Variants in SENP5 observed in about 807,000 individuals in gnomAD.
SENP5 encodes the protein SUMO specific peptidase 5.
In SENP5, 21 loss-of-function variants were observed where a neutral mutation model predicts 74.2. That is an observed-to-expected ratio of 0.28 (90% confidence interval 0.20 to 0.41). The LOEUF (loss-of-function observed/expected upper bound fraction) is 0.41. Among genes scored for constraint, SENP5 ranks in the 10% least tolerant of loss-of-function variants. The pLI, the probability that SENP5 is intolerant of heterozygous loss-of-function variation, is 1.00. For synonymous variants in SENP5, 311 were observed against 312.7 expected (o/e 0.99, Z 0.06); for missense variants, 717 against 889.1 (o/e 0.81, Z 2.46).
At chr3:196,901,480 AAG>A (rs1308985818) in intron 5 of SENP5, among the ~76,000 whole-genome samples, 2 of 152,204 alleles carry the variant, frequency 1.3e-5, no homozygotes, top group African/African-American at 4.8e-5. Flanking sequence ...AAATTCTCTT[AAG>A]AGTTTTGTTA....
chr3:196,930,991 CACTT>C lies in SENP5; in HGVS notation c.*70_*73del. ...ATGGTTTGTTACTTGAATCTCCAAA[CACTT>C]AGTTGAATTTTTACAGATATTTCAG... is the stretch of plus-strand genomic sequence containing the variant. On this transcript the variant is annotated 3_prime_UTR_variant, in exon 10 of 10. Coordinates refer to ENST00000323460, the MANE Select transcript of SENP5 (RefSeq NM_152699.5). 1.0e-6 allele frequency: 1 copy of C among 957,986 alleles called. No individual in the cohort carries two copies. The allele number at this position is 957,986 out of a possible 1,614,324, so 59.3% of individuals were successfully genotyped here. A position where few individuals can be genotyped will look rare whatever the true frequency, so the allele number is the denominator to read the frequency against.
At position 196,910,866 on chromosome 3, in the gene SENP5, A is replaced by T. The variant is rs551966801; in HGVS notation, c.1884+7256A>T. 8.5e-5 allele frequency among the ~76,000 whole-genome samples: 13 copies of T among 152,350 alleles called. 1 individual carries two copies. The South Asian group carries it at 2.7e-3, about 32-fold the overall frequency. ...GCCAAAACAACGTGGTATTGGTACC[A>T]AAACAGGCATATAGACCAATGGAAC... On this transcript the variant is annotated intron_variant, in intron 6 of 9. Coordinates refer to ENST00000323460, the MANE Select transcript of SENP5 (RefSeq NM_152699.5).
intron 6 of SENP5, chr3:196,914,586 A>AATATATATATATATATAT (rs55692471): frequency 3.6e-4 from 12 of 33,496 alleles, no homozygotes; most frequent in African/African-American, 8.9e-4. Flanking sequence ...AAAAAAAAAA[A>AATATATATATATATATAT]ATATATATAT....
At chr3:196,915,765 A>G (rs1247860155) in intron 6 of SENP5, among the ~76,000 whole-genome samples, 1 of 152,180 alleles carries the variant, frequency 6.6e-6, no homozygotes, top group Non-Finnish European at 1.5e-5. Context: ...CTAATAATCT[A>G]GGAAATTCCT....
intron 1 of SENP5, among the ~76,000 whole-genome samples, chr3:196,869,740 C>T (rs1426962913): frequency 5.2e-5 from 4 of 76,588 alleles, no homozygotes; most frequent in Non-Finnish European, 6.9e-5. Context: ...GCCTGGGCAA[C>T]AAGAGCAAAA....
chr3:196,903,246 T>A (rs1310529546), intron 5 of SENP5, among the ~76,000 whole-genome samples: 1 of 152,136 alleles, frequency 6.6e-6, no homozygotes, highest in Admixed American at 6.6e-5. Flanking sequence ...TTCAAGAGAT[T>A]CTCCTACCTC....
At chr3:196,898,202 AAG>A (rs2108833485) in intron 2 of SENP5, among the ~76,000 whole-genome samples, 1 of 138,180 alleles carries the variant, frequency 7.2e-6, no homozygotes, top group Non-Finnish European at 1.6e-5. Flanking sequence ...AAAGAAAAGA[AAG>A]AACGTCCTGG....
intron 1 of SENP5, among the ~76,000 whole-genome samples, 151 bp from the exon 2 acceptor site, chr3:196,885,000 C>T (rs1230641351): frequency 6.6e-6 from 1 of 152,118 alleles, no homozygotes; most frequent in Non-Finnish European, 1.5e-5. Flanking sequence ...GTGATGAAAA[C>T]CTTGGTCAGA....
In SENP5 at chr3:196,886,300, T is replaced by G. The variant is rs764627927; in HGVS notation, c.1119T>G (p.His373Gln). 2 of 1,614,156 alleles carry G rather than the reference T, an allele frequency of 1.2e-6. No homozygotes were observed. Among genetic ancestry groups the G allele is most frequent in the Middle Eastern group, 1.6e-4 (1 of 6,062 alleles). Residue 373 changes from histidine to glutamine, a missense_variant, in exon 2 of 10, where the codon CAT becomes CAG. By Grantham distance (24) the His-to-Gln change is conservative. This residue lies in a region of SENP5 where 567 missense variants were observed against 577.4 expected (regional missense o/e 0.98). Transcript: ENST00000323460. Reference protein sequence around the residue: ...SPKWECTELIHDIPLPEHRSN... With the variant: ...SPKWECTELIQDIPLPEHRSN... ...AGTGGGAGTGTACAGAGCTGATTCA[T>G]GACATCCCCTTACCAGAACATCGTT...
chr3:196,900,747 G>T (rs1220147270), intron 5 of SENP5, among the ~76,000 whole-genome samples: 1 of 151,890 alleles, frequency 6.6e-6, no homozygotes, highest in Non-Finnish European at 1.5e-5. Context: ...CACCATGCCT[G>T]GCTAATTTTT....
rs139837482 is a variant in SENP5 at position 196,904,790 on chromosome 3, A to G, written c.1884+1180A>G. Reference sequence around the variant, plus strand: ...GGTGACAGAGCGAGACTCCATGTCAAAAGAAAATTAAATAAAAAATAAAAA... The same window carrying G: ...GGTGACAGAGCGAGACTCCATGTCAGAAGAAAATTAAATAAAAAATAAAAA... On this transcript the variant is annotated intron_variant, in intron 6 of 9. Coordinates refer to ENST00000323460, the MANE Select transcript of SENP5 (RefSeq NM_152699.5). Among the ~76,000 whole-genome samples the G allele has an allele frequency of 6.8e-3, 1,033 of 152,302 alleles. 6 individuals are homozygous for G. Among genetic ancestry groups the G allele is most frequent in the Non-Finnish European group, 0.011 (734 of 68,026 alleles).
In SENP5 at chr3:196,931,768, T is replaced by G. The variant is rs1489733499; in HGVS notation, c.*845T>G. ...GTCAAACAAATGAGAATGCAGCTGT[T>G]CTCAGAGTAATTTTTAAGTTGTCAT... On this transcript the variant is annotated 3_prime_UTR_variant, in exon 10 of 10. Coordinates refer to ENST00000323460, the MANE Select transcript of SENP5 (RefSeq NM_152699.5). The G allele has an allele frequency of 9.4e-6, 3 of 319,708 alleles. No homozygotes were observed. Among genetic ancestry groups the G allele is most frequent in the African/African-American group, 4.5e-5 (2 of 44,482 alleles). 19.8% of individuals were successfully genotyped at this position (319,708 alleles called of 1,614,324 possible).
chr3:196,919,013 C>T (rs1005122528), intron 6 of SENP5, among the ~76,000 whole-genome samples: 1 of 151,974 alleles, frequency 6.6e-6, no homozygotes, highest in Non-Finnish European at 1.5e-5. Context: ...CCACACATAC[C>T]TAACACTGGA....
At chr3:196,881,325 G>T (rs1713718899) in intron 1 of SENP5, among the ~76,000 whole-genome samples, 1 of 151,976 alleles carries the variant, frequency 6.6e-6, no homozygotes, top group Admixed American at 6.6e-5. Context: ...ATTATTGTAG[G>T]CATGTCTTCA....
At chr3:196,907,240 G>A (rs765442304) in intron 6 of SENP5, among the ~76,000 whole-genome samples, 1 of 152,048 alleles carries the variant, frequency 6.6e-6, no homozygotes, top group African/African-American at 2.4e-5. Context: ...TTGAGGGGCC[G>A]AGGCAGGCGG....
chr3:196,924,946 A>T (rs1577847887), intron 7 of SENP5, among the ~76,000 whole-genome samples: 1 of 152,234 alleles, frequency 6.6e-6, no homozygotes, highest in Non-Finnish European at 1.5e-5. Context: ...TCAAGTCCTC[A>T]AATGGAAAGA....
Position 196,874,870 on chromosome 3 carries a change from A to G in SENP5, c.-32+6797A>G, listed in dbSNP as rs899861889. 5.4e-4 allele frequency among the ~76,000 whole-genome samples: 77 copies of G among 142,870 alleles called. 1 individual carries two copies. The highest frequency in any genetic ancestry group is 9.9e-4 in the East Asian group (4 of 4,024). The allele number at this position is 142,870 out of a possible 152,430, so 93.7% of individuals were successfully genotyped here. A position where few individuals can be genotyped will look rare whatever the true frequency, so the allele number is the denominator to read the frequency against. ...CTCCAGCCTGGGCAACAAGAGTGGG[A>G]AAAAAAAAAAAATTCCTAGAGTTCC... On this transcript the variant is annotated intron_variant, in intron 1 of 9. Coordinates refer to ENST00000323460, the MANE Select transcript of SENP5 (RefSeq NM_152699.5).
chr3:196,901,542 G>A lies in SENP5; in HGVS notation c.1806+1130G>A, dbSNP rs577398562. Among the ~76,000 whole-genome samples the A allele has an allele frequency of 7.2e-5, 11 of 152,148 alleles. No individual in the cohort carries two copies. The East Asian group carries it at 1.7e-3, about 24-fold the overall frequency. On this transcript the variant is annotated intron_variant, in intron 5 of 9. Transcript: ENST00000323460. ...AATGTATTTTTCTGAGTACACAAAT[G>A]CCTGATGGGTGCAAAAATTTCCAAG...
intron 1 of SENP5, among the ~76,000 whole-genome samples, chr3:196,869,539 T>TC (rs1713111689): frequency 6.6e-6 from 1 of 151,150 alleles, no homozygotes. Flanking sequence ...GGCGGGCAGA[T>TC]CACCTGAGGT....
Sources: gnomAD v4.1 joint callset for allele counts (sites outside exome capture counted in the v4.1 genomes callset) on GRCh38, gnomAD v4.1.1 for gene constraint, gnomAD v4.1.1 regional missense constraint, MANE v1.5 for transcripts, NCBI Gene and HGNC (gene_info 2026-07-23, HGNC 2026-07-21) for gene names.